The following TEX9 variants were observed in gnomAD, a reference collection of about 807,000 sequenced individuals.
TEX9 encodes testis-expressed protein 9.
A neutral mutation model predicts 59.6 loss-of-function variants in TEX9; 74 were observed. The observed-to-expected ratio is 1.24, with a 90% CI of 1.03 to 1.51. The LOEUF is 1.51. TEX9 is among the 40% of genes most tolerant of loss of function. The pLI is 0.00. For missense variants in TEX9, 522 were observed against 447.8 expected, an observed-to-expected ratio of 1.17 and a Z score of -1.49; for synonymous variants, 186 against 152.2, an observed-to-expected ratio of 1.22 and a Z score of -1.64.
chr15:56,426,928 A>C (rs1470808065), intron 10 of TEX9, among the ~76,000 whole-genome samples: 2 of 151,916 alleles, frequency 1.3e-5, no homozygotes, highest in Non-Finnish European at 2.9e-5. Context: ...TTCTCTGCTT[A>C]GCTAAAGGCC....
chr15:56,282,377 C>T (rs2044838854), intron 1 of TEX9, among the ~76,000 whole-genome samples: 1 of 152,062 alleles, frequency 6.6e-6, no homozygotes, highest in East Asian at 1.9e-4. Context: ...TTGTTTCAAA[C>T]CCCCAGTAGA....
At chr15:56,269,653 C>CTTT (rs1309147898) in intron 1 of TEX9, among the ~76,000 whole-genome samples, 4 of 131,364 alleles carry the variant, frequency 3.0e-5, no homozygotes, top group East Asian at 2.2e-4. Flanking sequence ...CTTTTCTTTT[C>CTTT]TTTTTTTTTT....
intron 10 of TEX9, among the ~76,000 whole-genome samples, 166 bp downstream of exon 10, chr15:56,412,602 G>T (rs1361843318): frequency 6.6e-6 from 1 of 152,108 alleles, no homozygotes; most frequent in East Asian, 1.9e-4. Flanking sequence ...TAACATGTTA[G>T]GATGATATGC....
chr15:56,278,970 C>T (rs1317272128), intron 1 of TEX9, among the ~76,000 whole-genome samples: 2 of 152,096 alleles, frequency 1.3e-5, no homozygotes, highest in African/African-American at 4.8e-5. Flanking sequence ...GTCCTTGCTT[C>T]TACATTACTC....
At chr15:56,448,720 A>G (rs2050925908), downstream of TEX9, among the ~76,000 whole-genome samples, 1 of 151,052 alleles carries the variant, frequency 6.6e-6, no homozygotes, top group South Asian at 2.1e-4. Context: ...TTTTTTTGGT[A>G]GAATGATTTG....
intron 1 of TEX9, among the ~76,000 whole-genome samples, chr15:56,248,125 G>A (rs1283294232): frequency 6.6e-6 from 1 of 152,164 alleles, no homozygotes. Context: ...CTTTCTTTCA[G>A]TCTTTAATAG....
intron 10 of TEX9, among the ~76,000 whole-genome samples, chr15:56,427,108 A>C (rs1165959699): frequency 2.6e-5 from 4 of 152,062 alleles, no homozygotes; most frequent in Non-Finnish European, 5.9e-5. Context: ...CAATAAGACT[A>C]CTACTTTTTG....
chr15:56,250,969 A>G (rs1229113244), intron 1 of TEX9, among the ~76,000 whole-genome samples: 1 of 152,226 alleles, frequency 6.6e-6, no homozygotes, highest in African/African-American at 2.4e-5. Flanking sequence ...AGGCCAAGGA[A>G]CCATGACACT....
intron 1 of TEX9, among the ~76,000 whole-genome samples, chr15:56,308,405 T>C (rs117737187): frequency 6.6e-6 from 1 of 152,294 alleles, no homozygotes; most frequent in East Asian, 1.9e-4. Flanking sequence ...CATTCTTTGA[T>C]TGAATTATTG....
At chr15:56,329,009 G>C (rs2046085486) in intron 1 of TEX9, among the ~76,000 whole-genome samples, 1 of 150,430 alleles carries the variant, frequency 6.6e-6, no homozygotes, top group Non-Finnish European at 1.5e-5. Context: ...GTTTGACCCA[G>C]AGCAGTCCCA....
intron 3 of TEX9, among the ~76,000 whole-genome samples, chr15:56,379,758 G>A (rs1005977040): frequency 6.6e-6 from 1 of 151,818 alleles, no homozygotes; most frequent in African/African-American, 2.4e-5. Flanking sequence ...ATTATATCCT[G>A]TTGCTGGATT....
chr15:56,271,306 C>T lies in TEX9; in HGVS notation c.-107+27028C>T, dbSNP rs540981851. ...GTAGATTTGATCTTTTCACATAGTC[C>T]CATATTTCTTGGAGGCTTTGTTCGT... On this transcript the variant is annotated intron_variant, in intron 1 of 5. Transcript: ENST00000560827. Among the ~76,000 whole-genome samples the T allele has an allele frequency of 2.6e-5, 4 of 152,244 alleles. No homozygotes were observed. The South Asian group carries it at 8.3e-4, about 32-fold the overall frequency.
exon 1 of TEX9, chr15:56,365,472 C>T (rs765410490): frequency 9.9e-6 from 16 of 1,613,956 alleles, no homozygotes; most frequent in Admixed American, 3.3e-5. Context: ...AAGTCTGTGT[C>T]TCACGGTCAG....
chr15:56,390,062 T>G (rs1198764643), intron 6 of TEX9, among the ~76,000 whole-genome samples: 3 of 151,868 alleles, frequency 2.0e-5, no homozygotes, highest in Admixed American at 6.6e-5. Context: ...TTCACTTTTG[T>G]GTCTTAATTG....
upstream of TEX9, among the ~76,000 whole-genome samples, chr15:56,364,471 T>TC (rs1481529654): frequency 4.8e-4 from 72 of 151,412 alleles, no homozygotes; most frequent in Non-Finnish European, 8.0e-4. Context: ...CTTTTCTTTT[T>TC]TTTTTTTTTT....
At chr15:56,244,035 C>G (rs2043773159) in exon 1 of TEX9, 2 of 150,984 alleles carry the variant, frequency 1.3e-5, no homozygotes, top group East Asian at 2.0e-4. Context: ...CGCTGGGGGC[C>G]GGGAGGAGTC....
intron 1 of TEX9, among the ~76,000 whole-genome samples, chr15:56,325,423 G>A (rs1322465464): frequency 1.1e-4 from 17 of 152,084 alleles, no homozygotes; most frequent in Admixed American, 9.2e-4. Context: ...CAAAAGACTC[G>A]AGATTCCAAA....
At chr15:56,251,800 A>G (rs1567062408) in intron 1 of TEX9, among the ~76,000 whole-genome samples, 2 of 151,934 alleles carry the variant, frequency 1.3e-5, no homozygotes, top group African/African-American at 2.4e-5. Flanking sequence ...ATGAAGAGGA[A>G]TGGATTATTG....
intron 1 of TEX9, among the ~76,000 whole-genome samples, chr15:56,303,646 G>A (rs1356454666): frequency 6.6e-6 from 1 of 151,310 alleles, no homozygotes; most frequent in Admixed American, 6.6e-5. Context: ...AAGCAAAAGC[G>A]AACAAAACAC....
Sources: gnomAD v4.1 joint callset for allele counts (sites outside exome capture counted in the v4.1 genomes callset) on GRCh38, gnomAD v4.1.1 for gene constraint, MANE v1.5 for transcripts, NCBI Gene and HGNC (gene_info 2026-07-23, HGNC 2026-07-21) for gene names.